The following RAB17 variants were observed in gnomAD, a reference collection of about 807,000 sequenced individuals.
The protein encoded by RAB17 is ras-related protein Rab-17.
Under a neutral mutation model 19.3 loss-of-function variants are expected in RAB17, and 15 were observed. The observed-to-expected ratio is 0.78, with a 90% CI of 0.52 to 1.20. RAB17 has a LOEUF of 1.20. RAB17 is among the 50% of genes most tolerant of loss of function. The probability of loss-of-function intolerance (pLI) is 0.00; values close to 1 mark genes in which losing one functional copy is unlikely to be tolerated. For synonymous variants in RAB17, 110 were observed against 112.8 expected (o/e 0.97, Z 0.16); for missense variants, 262 against 269.3 (o/e 0.97, Z 0.19).
At chr2:237,577,422 T>A (rs768282588) in intron 3 of RAB17, 40 bp from the exon 4 acceptor site, 1 of 1,571,430 alleles carries the variant, frequency 6.4e-7, no homozygotes, top group Admixed American at 1.8e-5. Context: ...ACAAAACTTA[T>A]AGGTGGTCAT....
intron 2 of RAB17, chr2:237,578,900 AACACACACAC>A (rs59320284): frequency 0.075 from 10,798 of 143,192 alleles, 501 homozygotes; most frequent in Non-Finnish European, 0.11. Flanking sequence ...GTACCTGCTT[AACACACACAC>A]ACACACACAC....
chr2:237,575,237 C>T (rs544000040), intron 5 of RAB17, 109 bp from the exon 6 acceptor site: 920 of 1,076,686 alleles, frequency 8.5e-4, no homozygotes, highest in Admixed American at 2.4e-3. Flanking sequence ...TTACCCTGAA[C>T]CATAGAACAA....
chr2:237,577,665 C>T lies in RAB17; in HGVS notation c.310-283G>A, dbSNP rs117599030. ...CCACGGGGTATTTCAGGTCAGGCCT[C>T]GAGCTCCTGAATCTCCCACGCCTAG... On this transcript the variant is annotated intron_variant, in intron 3 of 5. Coordinates refer to ENST00000264601, the MANE Select transcript of RAB17 (RefSeq NM_022449.4). The T allele has an allele frequency of 3.8e-3, 1,788 of 475,624 alleles. 60 individuals are homozygous for T. The East Asian group carries it at 0.057, about 15-fold the overall frequency. The allele number at this position is 475,624 out of a possible 1,614,324, so 29.5% of individuals were successfully genotyped here. A position where few individuals can be genotyped will look rare whatever the true frequency, so the allele number is the denominator to read the frequency against.
At chr2:237,588,571 G>A (rs143273730) in intron 1 of RAB17, among the ~76,000 whole-genome samples, 28 of 152,244 alleles carry the variant, frequency 1.8e-4, no homozygotes, top group Non-Finnish European at 2.9e-4. Flanking sequence ...AAAGGGTAGC[G>A]GGGGCGGGGT....
chr2:237,574,636 C>A lies in RAB17; in HGVS notation c.*383G>T. 1 of 1,499,428 alleles carries A rather than the reference C, an allele frequency of 6.7e-7. No homozygotes were observed. Among genetic ancestry groups the A allele is most frequent in the Non-Finnish European group, 8.9e-7 (1 of 1,122,068 alleles). 92.9% of individuals were successfully genotyped at this position (1,499,428 alleles called of 1,614,324 possible). ...AAGCAGGTGGGCCCAGGCTCCAGGC[C>A]AGTGCCCCCATCAAGATCAGACGTA... On this transcript the variant is annotated 3_prime_UTR_variant, in exon 6 of 6. Coordinates refer to ENST00000264601, the MANE Select transcript of RAB17 (RefSeq NM_022449.4).
chr2:237,574,424 A>C lies in RAB17; in HGVS notation c.*595T>G. 1 of 1,548,448 alleles carries C rather than the reference A, an allele frequency of 6.5e-7. No individual in the cohort carries two copies. The highest frequency in any genetic ancestry group is 8.7e-7 in the Non-Finnish European group (1 of 1,145,564). On this transcript the variant is annotated 3_prime_UTR_variant, in exon 6 of 6. Coordinates refer to ENST00000264601, the MANE Select transcript of RAB17 (RefSeq NM_022449.4). The stretch of plus-strand genomic sequence containing the variant: ...CAGAATCTTCCTGCTCATTGGACAG[A>C]AACTCAGCTTCACCACATTGCCAGC...
rs1559398398 is a variant in RAB17 at position 237,585,991 on chromosome 2, CACTT to C, written c.157+3_157+6del. On this transcript the variant is annotated splice_donor_5th_base_variant and intron_variant, in intron 2 of 5. Coordinates refer to ENST00000264601, the MANE Select transcript of RAB17 (RefSeq NM_022449.4). ...GACCAACAAAGGGGTGCTCTGCCCT[CACTT>C]ACAGCCCACCGTAGGCAGGATACTC... The C allele has an allele frequency of 6.3e-7, 1 of 1,596,854 alleles. No individual in the cohort carries two copies.
intron 2 of RAB17, among the ~76,000 whole-genome samples, chr2:237,583,083 A>G (rs1446681109): frequency 4.6e-5 from 7 of 152,240 alleles, no homozygotes; most frequent in Non-Finnish European, 8.8e-5. Flanking sequence ...CCTGGGCAAC[A>G]GAGCGAGACT....
At chr2:237,576,520 A>G in intron 4 of RAB17, 1 of 459,134 alleles carries the variant, frequency 2.2e-6, no homozygotes, top group Non-Finnish European at 4.6e-6. Flanking sequence ...CAAAATCTTC[A>G]CCCCACTTCT....
At chr2:237,589,460 A>G (rs958647303) in intron 1 of RAB17, among the ~76,000 whole-genome samples, 1 of 152,208 alleles carries the variant, frequency 6.6e-6, no homozygotes, top group Non-Finnish European at 1.5e-5. Context: ...TGTTTAATGG[A>G]CATATAACAT....
Position 237,575,320 on chromosome 2 carries a change from G to A in RAB17, c.529+67C>T, listed in dbSNP as rs561367060. ...ATGGGATACCACGTCACCAGCAACA[G>A]GGACCCAGGGAAGTTGGTCAGGGAC... On this transcript the variant is annotated intron_variant, in intron 5 of 5. Transcript: ENST00000264601. The A allele has an allele frequency of 5.9e-4, 774 of 1,320,106 alleles. 2 individuals carry two copies. Among genetic ancestry groups the A allele is most frequent in the Non-Finnish European group, 7.5e-4 (697 of 930,394 alleles). The allele number at this position is 1,320,106 out of a possible 1,614,324, so 81.8% of individuals were successfully genotyped here.
At chr2:237,578,225 G>T in intron 2 of RAB17, 70 bp from the exon 3 acceptor site, 7 of 1,489,654 alleles carry the variant, frequency 4.7e-6, no homozygotes, top group Middle Eastern at 1.8e-4. Flanking sequence ...GTGGGACCAC[G>T]GCAAGCCGCA....
chr2:237,575,590 ACTC>A (rs1265501815), intron 4 of RAB17, 110 bp from the exon 5 acceptor site: 3 of 766,818 alleles, frequency 3.9e-6, no homozygotes, highest in Non-Finnish European at 6.5e-6. Context: ...TGGAGCCCGC[ACTC>A]CTCCACGTTT....
At chr2:237,575,852 C>T (rs1005898757) in intron 4 of RAB17, 9 of 225,310 alleles carry the variant, frequency 4.0e-5, no homozygotes, top group Admixed American at 2.1e-4. Context: ...GGCCCCTGGA[C>T]GGCACCCACC....
intron 4 of RAB17, 115 bp from the exon 5 acceptor site, chr2:237,575,595 TC>T: frequency 1.3e-6 from 1 of 748,604 alleles, no homozygotes; most frequent in Non-Finnish European, 2.2e-6. Flanking sequence ...CCCGCACTCC[TC>T]CACGTTTCGT....
chr2:237,589,149 G>A (rs1034479058), intron 1 of RAB17, among the ~76,000 whole-genome samples: 3 of 150,942 alleles, frequency 2.0e-5, no homozygotes, highest in African/African-American at 4.9e-5. Flanking sequence ...GAACCCAGGA[G>A]GCAGAGGTTT....
intron 1 of RAB17, among the ~76,000 whole-genome samples, chr2:237,588,519 GT>G (rs2081368501): frequency 1.3e-5 from 2 of 152,162 alleles, no homozygotes; most frequent in Non-Finnish European, 2.9e-5. Context: ...GCTCTCAGAG[GT>G]CAAGGCACGG....
rs1022223817 is a variant in RAB17 at position 237,577,863 on chromosome 2, A to G, written c.309+141T>C. 8.4e-6 allele frequency: 8 copies of G among 948,296 alleles called. No homozygotes were observed. The African/African-American group carries it at 9.8e-5, about 12-fold the overall frequency. The allele number at this position is 948,296 out of a possible 1,614,324, so 58.7% of individuals were successfully genotyped here. A position where few individuals can be genotyped will look rare whatever the true frequency, so the allele number is the denominator to read the frequency against. ...TGGAGGAGGATGGGGGGTTGTCAGGAGGCCATCCTGGAGGAGGTGACTGTT... is the reference window on the plus strand; with the variant it reads ...TGGAGGAGGATGGGGGGTTGTCAGGGGGCCATCCTGGAGGAGGTGACTGTT... On this transcript the variant is annotated intron_variant, in intron 3 of 5. Transcript: ENST00000264601.
At position 237,574,554 on chromosome 2, in the gene RAB17, C is replaced by T. The variant is rs201659217; in HGVS notation, c.*465G>A. 4.7e-3 allele frequency: 7,298 copies of T among 1,550,068 alleles called. 17 individuals carry two copies. The highest frequency in any genetic ancestry group is 5.2e-3 in the Non-Finnish European group (5,975 of 1,146,758). On this transcript the variant is annotated 3_prime_UTR_variant, in exon 6 of 6. Coordinates refer to ENST00000264601, the MANE Select transcript of RAB17 (RefSeq NM_022449.4). ...CTGGGCCCACCCCACAGTCAGTCAT[C>T]GCTCCATTTCTTCCTGGCACCACCA... is the stretch of plus-strand genomic sequence containing the variant.
Sources: gnomAD v4.1 joint callset for allele counts (sites outside exome capture counted in the v4.1 genomes callset) on GRCh38, gnomAD v4.1.1 for gene constraint, MANE v1.5 for transcripts, NCBI Gene and HGNC (gene_info 2026-07-23, HGNC 2026-07-21) for gene names.